The following CCDC7 variants were observed in gnomAD, a reference collection of about 807,000 sequenced individuals.
CCDC7 encodes coiled-coil domain-containing protein 7.
In CCDC7, 183 loss-of-function variants were observed where a neutral mutation model predicts 196.9. The ratio of observed to expected loss-of-function variants is 0.93; its 90% CI spans 0.82 to 1.05. The LOEUF (loss-of-function observed/expected upper bound fraction) is 1.05. Ranked by LOEUF, CCDC7 falls within the 50% of genes least tolerant of loss-of-function variation. The pLI, the probability that CCDC7 is intolerant of heterozygous loss-of-function variation, is 0.00. For missense variants in CCDC7, 1,540 were observed against 1,482.2 expected (o/e 1.04, Z -0.64); for synonymous variants, 525 against 484.6 (o/e 1.08, Z -1.10).
chr10:32,511,263 G>GGGGGGC, intron 9 of CCDC7: 2 of 591,272 alleles, frequency 3.4e-6, no homozygotes, highest in South Asian at 2.2e-5. Flanking sequence ...GTGGGGGGCG[G>GGGGGGC]GGGGGGCGGG....
At chr10:32,497,043 C>T (rs1425396442) in intron 9 of CCDC7, among the ~76,000 whole-genome samples, 2 of 152,100 alleles carry the variant, frequency 1.3e-5, no homozygotes, top group Non-Finnish European at 2.9e-5. Flanking sequence ...GGTTGGCAGG[C>T]TATTAATTAC....
chr10:32,551,418 T>G (rs570188372), intron 13 of CCDC7, among the ~76,000 whole-genome samples: 1 of 152,268 alleles, frequency 6.6e-6, no homozygotes, highest in Non-Finnish European at 1.5e-5. Flanking sequence ...TGATCTTGGT[T>G]GTTTCCTTTC....
chr10:32,546,254 TA>T (rs1564610318), intron 13 of CCDC7, among the ~76,000 whole-genome samples: 2 of 152,220 alleles, frequency 1.3e-5, no homozygotes, highest in Non-Finnish European at 2.9e-5. Context: ...TCACTGACCT[TA>T]AATATTATCC....
chr10:32,770,304 T>C (rs1363175840), intron 28 of CCDC7, among the ~76,000 whole-genome samples: 1 of 152,330 alleles, frequency 6.6e-6, no homozygotes, highest in African/African-American at 2.4e-5. Context: ...GAGGTTTTGG[T>C]ATATTGTATC....
At chr10:32,705,744 G>C (rs1163337258) in intron 24 of CCDC7, among the ~76,000 whole-genome samples, 1 of 152,068 alleles carries the variant, frequency 6.6e-6, no homozygotes, top group East Asian at 1.9e-4. Context: ...AATGGTAAAG[G>C]GATCAATTCA....
Position 32,600,826 on chromosome 10 carries a change from A to G in CCDC7, c.1801+16522A>G, listed in dbSNP as rs184678519. Among the ~76,000 whole-genome samples, 857 of 152,214 alleles carry G rather than the reference A, an allele frequency of 5.6e-3. 2 individuals carry two copies. The highest frequency in any genetic ancestry group is 0.01 in the Middle Eastern group (3 of 294). On this transcript the variant is annotated intron_variant, in intron 18 of 41. Coordinates refer to ENST00000639629, the Ensembl canonical transcript of CCDC7. ...ATAGTTATCTTTACCAGGAAACTTT[A>G]TTTCTTCATATGGCTTTGAGTTACT...
chr10:32,645,571 CT>C (rs2067627565), intron 20 of CCDC7, among the ~76,000 whole-genome samples: 1 of 131,696 alleles, frequency 7.6e-6, no homozygotes. Flanking sequence ...GGAAGTATTC[CT>C]TCCTCTTCAA....
chr10:32,508,932 ATTTTTTT>A (rs4016795), intron 9 of CCDC7, among the ~76,000 whole-genome samples: 7,186 of 117,154 alleles, frequency 0.061, 628 homozygotes, highest in African/African-American at 0.22. Context: ...TGTGCCTGGC[ATTTTTTT>A]TTTTTTTTTT....
chr10:32,580,164 C>T (rs1253243859), intron 16 of CCDC7, among the ~76,000 whole-genome samples: 1 of 151,346 alleles, frequency 6.6e-6, no homozygotes, highest in Non-Finnish European at 1.5e-5. Context: ...TTCTTTTATC[C>T]TATATAATTT....
At chr10:32,669,028 G>T (rs1307288366) in intron 21 of CCDC7, among the ~76,000 whole-genome samples, 2 of 151,960 alleles carry the variant, frequency 1.3e-5, no homozygotes, top group African/African-American at 4.8e-5. Flanking sequence ...TGTTAGCTGT[G>T]GCTTGTTTGT....
intron 9 of CCDC7, chr10:32,511,879 A>T: frequency 1.6e-6 from 1 of 625,876 alleles, no homozygotes. Context: ...TTTATACACA[A>T]ATTACATACC....
intron 23 of CCDC7, among the ~76,000 whole-genome samples, chr10:32,694,329 G>T (rs1306803698): frequency 6.6e-6 from 1 of 152,096 alleles, no homozygotes; most frequent in East Asian, 1.9e-4. Context: ...TTAGAAGTTT[G>T]TGATGTTTTT....
intron 5 of CCDC7, among the ~76,000 whole-genome samples, chr10:32,467,268 ATTTT>A (rs3030627): frequency 3.4e-5 from 5 of 145,690 alleles, no homozygotes; most frequent in Admixed American, 6.8e-5. Context: ...TGCCCGGCTA[ATTTT>A]TTTTTTTTTT....
intron 13 of CCDC7, among the ~76,000 whole-genome samples, chr10:32,552,255 T>C (rs2947074): frequency 0.18 from 21,032 of 119,122 alleles, 1,761 homozygotes; most frequent in East Asian, 0.32. Context: ...ATGAAATGCC[T>C]TTTTCCACCC....
chr10:32,552,559 A>G (rs2053641140), intron 13 of CCDC7, among the ~76,000 whole-genome samples: 1 of 152,150 alleles, frequency 6.6e-6, no homozygotes, highest in Non-Finnish European at 1.5e-5. Context: ...ATGTGTTTCC[A>G]GGATTTGTTT....
At chr10:32,701,424 T>C (rs903903376) in intron 24 of CCDC7, among the ~76,000 whole-genome samples, 4 of 152,194 alleles carry the variant, frequency 2.6e-5, no homozygotes, top group African/African-American at 4.8e-5. Context: ...TTTGCCAGTA[T>C]TTTATTGAGG....
At chr10:32,774,322 G>A (rs1344901755) in intron 28 of CCDC7, among the ~76,000 whole-genome samples, 1 of 151,474 alleles carries the variant, frequency 6.6e-6, no homozygotes, top group African/African-American at 2.4e-5. Context: ...TTCATCCCAG[G>A]TGGTTCAGTC....
chr10:32,580,769 G>A (rs914556521), intron 16 of CCDC7, among the ~76,000 whole-genome samples: 1 of 151,788 alleles, frequency 6.6e-6, no homozygotes. Flanking sequence ...TTCCCTAAGG[G>A]GAGAGGATAT....
chr10:32,573,926 C>T (rs1157838324), intron 16 of CCDC7, among the ~76,000 whole-genome samples: 3 of 151,990 alleles, frequency 2.0e-5, no homozygotes, highest in Admixed American at 6.6e-5. Flanking sequence ...CTAGTAGGGC[C>T]GACTAGACAT....
Sources: gnomAD v4.1 joint callset for allele counts (sites outside exome capture counted in the v4.1 genomes callset) on GRCh38, gnomAD v4.1.1 for gene constraint, MANE v1.5 for transcripts, NCBI Gene and HGNC (gene_info 2026-07-23, HGNC 2026-07-21) for gene names.